The following PMCH variants were observed in gnomAD, a reference collection of about 807,000 sequenced individuals.
PMCH encodes pro-MCH.
In PMCH, 8 loss-of-function variants were observed where a neutral mutation model predicts 15.9. The observed-to-expected ratio is 0.50, with a 90% CI of 0.29 to 0.91. The LOEUF is 0.91. Ranked by LOEUF, PMCH falls within the 40% of genes least tolerant of loss-of-function variation. The pLI is 0.07. For synonymous variants in PMCH, 73 were observed against 63.8 expected (o/e 1.14, Z -0.69); for missense variants, 169 against 185.7 (o/e 0.91, Z 0.52).
intron 1 of PMCH, 47 bp from the exon 2 acceptor site, chr12:102,197,218 G>C: frequency 1.5e-6 from 2 of 1,354,402 alleles, no homozygotes; most frequent in South Asian, 2.4e-5. Flanking sequence ...TATTCGGAGT[G>C]GAACTATAAT....
At position 102,196,658 on chromosome 12, in the gene PMCH, T is replaced by G. The variant is rs377553179; in HGVS notation, c.492A>C (p.Gln164His). Residue 164 changes from glutamine to histidine, a missense_variant, in exon 3 of 3, where the codon CAA becomes CAC. Physicochemically the swap from Gln to His is conservative, Grantham distance 24 (BLOSUM62 0). Transcript: ENST00000329406. ...TGATGTGGACCAACAGGTATCAGAC[T>G]TGCCAACAAGGTCGGTAGACTCTTC... ...MLGRVYRPCW[Q>H]V 55 of 1,609,222 alleles carry G rather than the reference T, an allele frequency of 3.4e-5. No individual in the cohort carries two copies. The African/African-American group carries it at 6.8e-4, about 20-fold the overall frequency.
In PMCH at chr12:102,197,793, A is replaced by T; in HGVS notation, c.-23T>A. ...CATTCTTAGTTTGATGTTTGCATAC[A>T]GTCAAACAAGAAAGAAAATGAAAAA... On this transcript the variant is annotated 5_prime_UTR_variant, in exon 1 of 3. Coordinates refer to ENST00000329406, the MANE Select transcript of PMCH (RefSeq NM_002674.4). 6.6e-7 allele frequency: 1 copy of T among 1,513,508 alleles called. No homozygotes were observed. Among genetic ancestry groups the T allele is most frequent in the South Asian group, 1.3e-5 (1 of 76,422 alleles). The allele number at this position is 1,513,508 out of a possible 1,614,324, so 93.8% of individuals were successfully genotyped here.
Position 102,197,121 on chromosome 12 carries a change from C to T in PMCH, c.300G>A (p.Leu100=). The change falls in exon 2 of 3, where the codon CTG becomes CTA. Residue 100 remains leucine (L), a synonymous_variant. Coordinates refer to ENST00000329406, the MANE Select transcript of PMCH (RefSeq NM_002674.4). Reference sequence around the variant, plus strand: ...TTAGTGCAAGATAAGGTTTTATAGCCAGATTCAGTGGCAGACCATGATTTA... The same window carrying T: ...TTAGTGCAAGATAAGGTTTTATAGCTAGATTCAGTGGCAGACCATGATTTA... ...NFLNHGLPLN[L]AIKPYLALKG... is the part of the protein sequence containing the mutation. 1 of 1,612,204 alleles carries T rather than the reference C, an allele frequency of 6.2e-7. No homozygotes were observed. Among genetic ancestry groups the T allele is most frequent in the Non-Finnish European group, 8.5e-7 (1 of 1,178,686 alleles).
rs1891376083 is a variant in PMCH, at chr12:102,197,078, GGAAAGCTACA to G, written c.333_342del (p.Val112GlnfsTer29). On this transcript the variant is annotated frameshift_variant, in exon 2 of 3. Transcript: ENST00000329406. LOFTEE classifies it high-confidence loss of function. ...GTATTCTGAACTCCATTCTCAGCTG[GGAAAGCTACA>G]GATCCTTTTAGTGCAAGATAAGGTT... is the stretch of plus-strand genomic sequence containing the variant. 1 of 1,611,994 alleles carries G rather than the reference GGAAAGCTACA, an allele frequency of 6.2e-7. No homozygotes were observed. Among genetic ancestry groups the G allele is most frequent in the South Asian group, 1.1e-5 (1 of 91,038 alleles).
At position 102,197,594 on chromosome 12, in the gene PMCH, A is replaced by G. The variant is rs745356708; in HGVS notation, c.177T>C (p.Ile59=). 15 of 1,611,508 alleles carry G rather than the reference A, an allele frequency of 9.3e-6. No individual in the cohort carries two copies. The African/African-American group carries it at 1.6e-4, about 17-fold the overall frequency. Residue 59 remains isoleucine, a synonymous_variant, in exon 1 of 3, where the codon ATT becomes ATC. Coordinates refer to ENST00000329406, the MANE Select transcript of PMCH (RefSeq NM_002674.4). The part of the protein sequence containing the change: ...QKEDTAEKSV[I]APSLEQYKND... ...TTTTATATTGTTCCAGGGAAGGAGC[A>G]ATAACTGATTTTTCTGCAGTGTCTT...
chr12:102,197,348 G>A (rs1891404708), intron 1 of PMCH, 174 bp downstream of exon 1: 1 of 810,050 alleles, frequency 1.2e-6, no homozygotes, highest in African/African-American at 1.7e-5. Context: ...AGAGGTGTTT[G>A]CTGGGATGGA....
chr12:102,197,337 A>C, intron 1 of PMCH, 166 bp from the exon 2 acceptor site: 3 of 815,242 alleles, frequency 3.7e-6, no homozygotes, highest in Non-Finnish European at 5.7e-6. Flanking sequence ...ACTTTCAGAT[A>C]AGAGGTGTTT....
rs551401488 is a variant in PMCH, at chr12:102,196,958, G to A, written c.448+15C>T. On this transcript the variant is annotated intron_variant, in intron 2 of 2. Coordinates refer to ENST00000329406, the MANE Select transcript of PMCH (RefSeq NM_002674.4). Reference sequence around the variant, plus strand: ...TGGTAGGATGTAAGAATTGAATTTTGAAAAGACTACTCACTGTCAAAATCT... The same window carrying A: ...TGGTAGGATGTAAGAATTGAATTTTAAAAAGACTACTCACTGTCAAAATCT... 3.2e-4 allele frequency: 503 copies of A among 1,595,286 alleles called. 9 individuals are homozygous for A. In the South Asian group the frequency reaches 5.3e-3, roughly 17 times the overall value.
rs1891370467 is a variant in PMCH, at chr12:102,197,019, A to G, written c.402T>C (p.Asp134=). The change falls in exon 2 of 3, where the codon GAT becomes GAC. Residue 134 remains aspartate (D), a synonymous_variant. Transcript: ENST00000329406. ...TAGGAAATTTAGCTGAGTTTTCTTCATCCCCAATTTCTCTCTTTTCTTGTG... is the reference window on the plus strand; with the variant it reads ...TAGGAAATTTAGCTGAGTTTTCTTCGTCCCCAATTTCTCTCTTTTCTTGTG... ...ESTQEKREIG[D]EENSAKFPIG... The G allele has an allele frequency of 6.2e-6, 10 of 1,611,998 alleles. No homozygotes were observed. Among genetic ancestry groups the G allele is most frequent in the Non-Finnish European group, 8.5e-6 (10 of 1,178,678 alleles).
chr12:102,197,083 G>A lies in PMCH; in HGVS notation c.338C>T (p.Ala113Val), dbSNP rs146053800. 7 of 1,611,852 alleles carry A rather than the reference G, an allele frequency of 4.3e-6. No homozygotes were observed. The African/African-American group carries it at 5.3e-5, about 12-fold the overall frequency. The change falls in exon 2 of 3, where the codon GCT (alanine) becomes GTT (valine). Residue 113 changes from alanine to valine, a missense_variant. Physicochemically the swap from Ala to Val is moderately conservative, Grantham distance 64. Transcript: ENST00000329406. The stretch of plus-strand genomic sequence containing the variant: ...CTGAACTCCATTCTCAGCTGGGAAA[G>A]CTACAGATCCTTTTAGTGCAAGATA... ...KPYLALKGSV[A>V]FPAENGVQNT...
chr12:102,197,436 A>G, intron 1 of PMCH, 86 bp downstream of exon 1: 1 of 1,250,112 alleles, frequency 8.0e-7, no homozygotes. Flanking sequence ...TTCTGTTTAT[A>G]AAAGTATCAG....
rs1891435756 is a variant in PMCH, at chr12:102,197,685, G to C, written c.86C>G (p.Ser29Cys). ...SQGILLSASK[S>C]IRNLDDDMVF... The stretch of plus-strand genomic sequence containing the variant: ...CATGTCATCATCTAAATTTCTTATG[G>C]ACTTGGATGCTGAAAGTAAAATACC... The change falls in exon 1 of 3, where the codon TCC (serine) becomes TGC (cysteine). Residue 29 changes from serine to cysteine, a missense_variant. Coordinates refer to ENST00000329406, the MANE Select transcript of PMCH (RefSeq NM_002674.4). The C allele has an allele frequency of 6.2e-7, 1 of 1,610,486 alleles. No individual in the cohort carries two copies. Among genetic ancestry groups the C allele is most frequent in the Non-Finnish European group, 8.5e-7 (1 of 1,177,624 alleles).
chr12:102,197,041 T>C lies in PMCH; in HGVS notation c.380A>G (p.Gln127Arg). 1 of 1,612,214 alleles carries C rather than the reference T, an allele frequency of 6.2e-7. No homozygotes were observed. The highest frequency in any genetic ancestry group is 8.5e-7 in the Non-Finnish European group (1 of 1,178,716). The part of the protein sequence containing the change: ...ENGVQNTEST[Q>R]EKREIGDEEN... ...TTCATCCCCAATTTCTCTCTTTTCTTGTGTTGATTCAGTATTCTGAACTCC... is the reference window on the plus strand; with the variant it reads ...TTCATCCCCAATTTCTCTCTTTTCTCGTGTTGATTCAGTATTCTGAACTCC... Residue 127 changes from glutamine to arginine, a missense_variant, in exon 2 of 3, where the codon CAA becomes CGA. Transcript: ENST00000329406.
chr12:102,197,621 C>A lies in PMCH; in HGVS notation c.150G>T (p.Lys50Asn), dbSNP rs1445154975. The A allele has an allele frequency of 6.2e-7, 1 of 1,612,000 alleles. No individual in the cohort carries two copies. The highest frequency in any genetic ancestry group is 1.7e-5 in the Admixed American group (1 of 59,886). ...TAACTGATTTTTCTGCAGTGTCTTC[C>A]TTCTGAAAGCCTTTCCCCAACCTGA... ...NTFRLGKGFQ[K>N]EDTAEKSVIA... The change falls in exon 1 of 3, where the codon AAG (lysine) becomes AAT (asparagine). Residue 50 changes from lysine (K) to asparagine (N), a missense_variant. Physicochemically the swap from Lys to Asn is moderately conservative, Grantham distance 94. Coordinates refer to ENST00000329406, the MANE Select transcript of PMCH (RefSeq NM_002674.4).
intron 1 of PMCH, 131 bp downstream of exon 1, chr12:102,197,391 T>G: frequency 1.1e-6 from 1 of 881,856 alleles, no homozygotes; most frequent in Non-Finnish European, 1.7e-6. Context: ...ATATCGTCAG[T>G]CGTCCTAATG....
At chr12:102,196,877 T>C in intron 2 of PMCH, 96 bp downstream of exon 2, 1 of 1,153,736 alleles carries the variant, frequency 8.7e-7, no homozygotes, top group Non-Finnish European at 1.3e-6. Context: ...ATGGTCTTAT[T>C]TGATTTTGTT....
At chr12:102,197,492 A>C in intron 1 of PMCH, 30 bp downstream of exon 1, 1 of 1,561,542 alleles carries the variant, frequency 6.4e-7, no homozygotes, top group Non-Finnish European at 8.6e-7. Context: ...ATTTTCATTG[A>C]AATAAACGAC....
rs1891369630 is a variant in PMCH, at chr12:102,197,006, C to T, written c.415G>A (p.Ala139Thr). 2.5e-6 allele frequency: 4 copies of T among 1,611,686 alleles called. No individual in the cohort carries two copies. The African/African-American group carries it at 4.0e-5, about 16-fold the overall frequency. The change falls in exon 2 of 3, where the codon GCT becomes ACT. Residue 139 changes from alanine (A) to threonine (T), a missense_variant. Transcript: ENST00000329406. Reference protein sequence around the residue: ...KREIGDEENSAKFPIGRRDFD... With the variant: ...KREIGDEENSTKFPIGRRDFD... ...TCTCTCCTTCCTATAGGAAATTTAGCTGAGTTTTCTTCATCCCCAATTTCT... is the reference window on the plus strand; with the variant it reads ...TCTCTCCTTCCTATAGGAAATTTAGTTGAGTTTTCTTCATCCCCAATTTCT...
chr12:102,197,123 G>A lies in PMCH; in HGVS notation c.298C>T (p.Leu100=). ...NFLNHGLPLN[L]AIKPYLALKG... The stretch of plus-strand genomic sequence containing the variant: ...AGTGCAAGATAAGGTTTTATAGCCA[G>A]ATTCAGTGGCAGACCATGATTTAAG... The change falls in exon 2 of 3, where the codon CTG becomes TTG. Residue 100 remains leucine, a synonymous_variant. Coordinates refer to ENST00000329406, the MANE Select transcript of PMCH (RefSeq NM_002674.4). 1 of 1,612,272 alleles carries A rather than the reference G, an allele frequency of 6.2e-7. No homozygotes were observed. The highest frequency in any genetic ancestry group is 8.5e-7 in the Non-Finnish European group (1 of 1,178,680).
Sources: gnomAD v4.1 joint callset for allele counts on GRCh38, gnomAD v4.1.1 for gene constraint, MANE v1.5 for transcripts, NCBI Gene and HGNC (gene_info 2026-07-23, HGNC 2026-07-21) for gene names.